Variants in CYB5R4 observed in about 807,000 individuals in gnomAD.
CYB5R4 encodes N-terminal cytochrome b5 and cytochrome b5 oxidoreductase domain-containing protein.
In CYB5R4, 55 loss-of-function variants were observed where a neutral mutation model predicts 70.2. The observed-to-expected ratio is 0.78, with a 90% CI of 0.63 to 0.98. The LOEUF (loss-of-function observed/expected upper bound fraction) is 0.98, where lower values mean the gene tolerates loss of function less well. Ranked by LOEUF, CYB5R4 falls within the 50% of genes least tolerant of loss-of-function variation. CYB5R4 has a pLI of 0.00. For missense variants in CYB5R4, 562 were observed against 612.6 expected, an observed-to-expected ratio of 0.92 and a Z score of 0.87; for synonymous variants, 197 against 199.5, an observed-to-expected ratio of 0.99 and a Z score of 0.11.
At chr6:83,900,801 T>C (rs2099462801) in intron 3 of CYB5R4, among the ~76,000 whole-genome samples, 2 of 152,220 alleles carry the variant, frequency 1.3e-5, no homozygotes, top group South Asian at 2.1e-4. Flanking sequence ...CCTGCCTTTT[T>C]TTGTTTTCCA....
intron 10 of CYB5R4, among the ~76,000 whole-genome samples, chr6:83,928,747 T>C (rs1562841627): frequency 6.6e-6 from 1 of 152,118 alleles, no homozygotes; most frequent in African/African-American, 2.4e-5. Context: ...AATGAAAAGG[T>C]ATTTTTAGAG....
chr6:83,907,548 A>G (rs2099463995), intron 3 of CYB5R4, among the ~76,000 whole-genome samples: 1 of 151,716 alleles, frequency 6.6e-6, no homozygotes, highest in Non-Finnish European at 1.5e-5. Context: ...AACTCATGTC[A>G]TGAGGATTCA....
chr6:83,909,793 C>T (rs956348854), intron 4 of CYB5R4, among the ~76,000 whole-genome samples: 1 of 152,030 alleles, frequency 6.6e-6, no homozygotes, highest in Non-Finnish European at 1.5e-5. Context: ...TTCAGGGGGA[C>T]ATTTGGCAAT....
At chr6:83,911,793 C>T (rs1588573739) in intron 4 of CYB5R4, among the ~76,000 whole-genome samples, 2 of 152,068 alleles carry the variant, frequency 1.3e-5, no homozygotes. Flanking sequence ...CCTGTAATCC[C>T]AGCACTTTGG....
chr6:83,916,102 A>G (rs1289734873), intron 5 of CYB5R4, among the ~76,000 whole-genome samples: 1 of 152,100 alleles, frequency 6.6e-6, no homozygotes, highest in East Asian at 1.9e-4. Context: ...ATTCTGTTTT[A>G]ATAAGATATA....
In CYB5R4 at chr6:83,962,284, C is replaced by T. The variant is rs186490159; in HGVS notation, c.*2406C>T. On this transcript the variant is annotated 3_prime_UTR_variant, in exon 16 of 16. Transcript: ENST00000369681. ...ATCTCCTAAAATTCATTCTCCATTCCAGGGTATTCTAGAAGGACTTGGAGG... is the reference window on the plus strand; with the variant it reads ...ATCTCCTAAAATTCATTCTCCATTCTAGGGTATTCTAGAAGGACTTGGAGG... The T allele has an allele frequency of 1.3e-5, 2 of 152,230 alleles. No individual in the cohort carries two copies. The highest frequency in any genetic ancestry group is 4.8e-5 in the African/African-American group (2 of 41,522). The allele number at this position is 152,230 out of a possible 1,614,324, so 9.4% of individuals were successfully genotyped here. A position where few individuals can be genotyped will look rare whatever the true frequency, so the allele number is the denominator to read the frequency against.
chr6:83,961,867 T>C lies in CYB5R4; in HGVS notation c.*1989T>C, dbSNP rs1224097493. ...ATGCTTCCTCATTCCTCCTTTTATG[T>C]TTTATATTTTTGTTTATATTTTATT... On this transcript the variant is annotated 3_prime_UTR_variant, in exon 16 of 16. Coordinates refer to ENST00000369681, the MANE Select transcript of CYB5R4 (RefSeq NM_016230.4). The C allele has an allele frequency of 6.6e-6, 1 of 151,542 alleles. No homozygotes were observed. Among genetic ancestry groups the C allele is most frequent in the East Asian group, 1.9e-4 (1 of 5,192 alleles). The allele number at this position is 151,542 out of a possible 1,614,324, so 9.4% of individuals were successfully genotyped here.
At chr6:83,939,000 A>G (rs1458040005) in intron 12 of CYB5R4, among the ~76,000 whole-genome samples, 2 of 151,640 alleles carry the variant, frequency 1.3e-5, no homozygotes, top group African/African-American at 4.8e-5. Flanking sequence ...ATGCCTGGCT[A>G]ATTTTTTGTA....
intron 15 of CYB5R4, among the ~76,000 whole-genome samples, chr6:83,959,536 G>A (rs544633141): frequency 1.3e-5 from 2 of 152,226 alleles, no homozygotes; most frequent in East Asian, 3.9e-4. Flanking sequence ...AGACTTATCA[G>A]CCAATCATAA....
At chr6:83,947,438 C>T (rs1054437383) in intron 14 of CYB5R4, among the ~76,000 whole-genome samples, 5 of 151,996 alleles carry the variant, frequency 3.3e-5, no homozygotes, top group African/African-American at 1.2e-4. Context: ...AATCTAAAAC[C>T]ATAAAAACCC....
chr6:83,919,299 A>G (rs940914526), intron 6 of CYB5R4, 98 bp from the exon 7 acceptor site: 1 of 667,086 alleles, frequency 1.5e-6, no homozygotes, highest in South Asian at 2.0e-5. Context: ...AGAAATACAG[A>G]TATGTCTCAT....
At chr6:83,930,977 T>G (rs1188156929) in intron 10 of CYB5R4, among the ~76,000 whole-genome samples, 1 of 152,202 alleles carries the variant, frequency 6.6e-6, no homozygotes, top group East Asian at 1.9e-4. Flanking sequence ...AGGACCTTGC[T>G]CTGGATCAGG....
At chr6:83,925,069 TAAAG>T (rs918763853) in intron 10 of CYB5R4, among the ~76,000 whole-genome samples, 4 of 152,106 alleles carry the variant, frequency 2.6e-5, no homozygotes. Context: ...GGATAATTTA[TAAAG>T]AAAAAAGGTT....
At chr6:83,907,130 T>C (rs1015431870) in intron 3 of CYB5R4, among the ~76,000 whole-genome samples, 1 of 152,078 alleles carries the variant, frequency 6.6e-6, no homozygotes, top group Non-Finnish European at 1.5e-5. Context: ...CAGGCTGGAA[T>C]GTAGTGGCAT....
intron 12 of CYB5R4, among the ~76,000 whole-genome samples, chr6:83,937,405 A>G (rs990083263): frequency 1.3e-5 from 2 of 152,204 alleles, no homozygotes; most frequent in Non-Finnish European, 2.9e-5. Flanking sequence ...GAATAAATAT[A>G]TTTCTTCATT....
At chr6:83,950,252 A>T (rs1041459384) in intron 14 of CYB5R4, among the ~76,000 whole-genome samples, 1 of 152,174 alleles carries the variant, frequency 6.6e-6, no homozygotes, top group Non-Finnish European at 1.5e-5. Context: ...TGTTCTAGCA[A>T]TTGGGATTCA....
chr6:83,934,523 C>A, intron 10 of CYB5R4, 72 bp from the exon 11 acceptor site: 1 of 1,114,404 alleles, frequency 9.0e-7, no homozygotes, highest in Non-Finnish European at 1.3e-6. Flanking sequence ...TGAGTATATG[C>A]TTTCTCTTAG....
chr6:83,940,316 A>T, intron 13 of CYB5R4, 110 bp downstream of exon 13: 1 of 1,160,238 alleles, frequency 8.6e-7, no homozygotes, highest in Non-Finnish European at 1.2e-6. Flanking sequence ...CCATTTCCTC[A>T]TTCATCATTT....
intron 10 of CYB5R4, among the ~76,000 whole-genome samples, chr6:83,932,216 T>C (rs2099468267): frequency 6.6e-6 from 1 of 152,218 alleles, no homozygotes; most frequent in Non-Finnish European, 1.5e-5. Context: ...ATAGTTAGGC[T>C]GTTCTTTTGA....
Sources: gnomAD v4.1 joint callset for allele counts (sites outside exome capture counted in the v4.1 genomes callset) on GRCh38, gnomAD v4.1.1 for gene constraint, MANE v1.5 for transcripts, NCBI Gene and HGNC (gene_info 2026-07-23, HGNC 2026-07-21) for gene names.